The following HECW2 variants were observed in gnomAD, a reference collection of about 807,000 sequenced individuals.
HECW2 encodes HECT, C2 and WW domain containing E3 ubiquitin protein ligase 2, also known as E3 ubiquitin-protein ligase HECW2.
In HECW2, 61 loss-of-function variants were observed where a neutral mutation model predicts 175.2. The observed-to-expected ratio is 0.35, with a 90% CI of 0.28 to 0.43. HECW2 has a LOEUF of 0.43. Ranked by LOEUF, HECW2 falls within the 20% of genes least tolerant of loss-of-function variation. HECW2 has a pLI of 1.00. For missense variants in HECW2, 1,524 were observed against 2,000.5 expected, an observed-to-expected ratio of 0.76 and a Z score of 4.54; for synonymous variants, 671 against 731.0, an observed-to-expected ratio of 0.92 and a Z score of 1.32.
chr2:196,425,646 T>G (rs1695523711), intron 2 of HECW2, among the ~76,000 whole-genome samples: 1 of 152,152 alleles, frequency 6.6e-6, no homozygotes, highest in Non-Finnish European at 1.5e-5. Context: ...AAGTGGTGCC[T>G]GAAGATGTAA....
intron 1 of HECW2, among the ~76,000 whole-genome samples, chr2:196,504,159 G>A (rs1451029794): frequency 6.6e-6 from 1 of 152,092 alleles, no homozygotes; most frequent in Non-Finnish European, 1.5e-5. Context: ...AGCCAGGCGT[G>A]GTGGCAGGCA....
At chr2:196,273,000 T>A (rs975771035) in intron 16 of HECW2, among the ~76,000 whole-genome samples, 2 of 151,606 alleles carry the variant, frequency 1.3e-5, no homozygotes, top group Admixed American at 6.6e-5. Context: ...ATTTTTTTTT[T>A]AATTTAAAGA....
intron 1 of HECW2, among the ~76,000 whole-genome samples, chr2:196,540,292 T>C (rs1003879276): frequency 6.6e-5 from 10 of 152,190 alleles, no homozygotes; most frequent in Non-Finnish European, 1.5e-4. Flanking sequence ...AAAGAGCAAG[T>C]AGTTGTTCTA....
Position 196,443,119 on chromosome 2 carries a change from G to A in HECW2, c.-35-9661C>T, listed in dbSNP as rs1238305955. On this transcript the variant is annotated intron_variant, in intron 1 of 28. Coordinates refer to ENST00000644978, the MANE Select transcript of HECW2 (RefSeq NM_001348768.2). ...GATGTTGCTCAGGACTGACTGGTAGGAGACAGGATCCTATGGACCTACAGA... is the reference window on the plus strand; with the variant it reads ...GATGTTGCTCAGGACTGACTGGTAGAAGACAGGATCCTATGGACCTACAGA... Among the ~76,000 whole-genome samples, 3 of 152,306 alleles carry A rather than the reference G, an allele frequency of 2.0e-5. No individual in the cohort carries two copies. The East Asian group carries it at 5.8e-4, about 29-fold the overall frequency.
In HECW2 at chr2:196,320,350, G is replaced by T; in HGVS notation, c.974C>A (p.Ser325Tyr). 6.2e-7 allele frequency: 1 copy of T among 1,603,874 alleles called. No individual in the cohort carries two copies. ...TATTTATATCTCACCTTCATGAACA[G>T]AAGACGTAACCTCCACTTTAAACTG... ...YLQFKVEVTS[S>Y]VHEDASPEAV... Residue 325 changes from serine to tyrosine, a missense_variant, in exon 8 of 29, where the codon TCT becomes TAT. Physicochemically the swap from Ser to Tyr is moderately radical, Grantham distance 144. This residue lies in a region of HECW2 where 604 missense variants were observed against 588.3 expected (regional missense o/e 1.03). Transcript: ENST00000644978.
intron 2 of HECW2, among the ~76,000 whole-genome samples, chr2:196,346,014 G>C (rs1692941937): frequency 6.6e-6 from 1 of 152,180 alleles, no homozygotes; most frequent in South Asian, 2.1e-4. Flanking sequence ...TTTTAAAAAA[G>C]TAGTTATGTA....
chr2:196,433,543 G>C (rs1377110751), intron 1 of HECW2, 85 bp from the exon 2 acceptor site: 2 of 973,636 alleles, frequency 2.1e-6, no homozygotes, highest in Non-Finnish European at 3.0e-6. Context: ...GCCTTAAAGG[G>C]TGTTTAATAA....
At chr2:196,341,454 T>C (rs1692748649) in intron 3 of HECW2, among the ~76,000 whole-genome samples, 1 of 152,226 alleles carries the variant, frequency 6.6e-6, no homozygotes, top group South Asian at 2.1e-4. Flanking sequence ...TTTTATCACT[T>C]ATTTCTTCAT....
At chr2:196,473,709 G>C (rs1448938072) in intron 1 of HECW2, among the ~76,000 whole-genome samples, 1 of 152,208 alleles carries the variant, frequency 6.6e-6, no homozygotes, top group Non-Finnish European at 1.5e-5. Flanking sequence ...CTGCCAACCA[G>C]TGCAGTAACA....
chr2:196,418,130 A>G (rs1695304133), intron 2 of HECW2, among the ~76,000 whole-genome samples: 1 of 150,256 alleles, frequency 6.7e-6, no homozygotes, highest in Non-Finnish European at 1.5e-5. Context: ...AAGGATGATC[A>G]CTTCTTTTTT....
chr2:196,360,162 A>G (rs1693535308), intron 2 of HECW2, among the ~76,000 whole-genome samples: 2 of 152,208 alleles, frequency 1.3e-5, no homozygotes, highest in Non-Finnish European at 2.9e-5. Flanking sequence ...CTAAAAACAG[A>G]ACTGCCATTC....
rs1687642590 is a variant in HECW2, at chr2:196,220,932, G to A, written c.4156C>T (p.Arg1386Ter). Residue 1386 changes from arginine (R) to a stop codon, truncating the protein, a stop_gained, in exon 25 of 29, where the codon CGA becomes TGA. Coordinates refer to ENST00000644978, the MANE Select transcript of HECW2 (RefSeq NM_001348768.2). LOFTEE classifies it high-confidence loss of function. Reference protein sequence around the residue: ...NEEVFGQITERELKPGGANIP... With the variant: ...NEEVFGQITE ...TTGGCACCCCCTGGCTTTAATTCTCGTTCAGTTATCTGAGATTACAAAATA... is the reference window on the plus strand; with the variant it reads ...TTGGCACCCCCTGGCTTTAATTCTCATTCAGTTATCTGAGATTACAAAATA... 6.2e-7 allele frequency: 1 copy of A among 1,613,698 alleles called. No individual in the cohort carries two copies. The highest frequency in any genetic ancestry group is 8.5e-7 in the Non-Finnish European group (1 of 1,179,790).
At chr2:196,438,119 A>G (rs1695935446) in intron 1 of HECW2, among the ~76,000 whole-genome samples, 1 of 152,180 alleles carries the variant, frequency 6.6e-6, no homozygotes, top group Admixed American at 6.5e-5. Flanking sequence ...AATGAATAAA[A>G]ACTGAGAGAA....
At chr2:196,440,255 T>C (rs1191561391) in intron 1 of HECW2, among the ~76,000 whole-genome samples, 4 of 152,140 alleles carry the variant, frequency 2.6e-5, no homozygotes, top group Non-Finnish European at 5.9e-5. Flanking sequence ...TCCCTAAAAG[T>C]CTTATTTCAG....
At chr2:196,260,569 T>A (rs971811216) in intron 17 of HECW2, 1 of 152,234 alleles carries the variant, frequency 6.6e-6, no homozygotes, top group African/African-American at 2.4e-5. Flanking sequence ...ATATTTAAAT[T>A]CTTCTGTTCA....
chr2:196,555,338 G>A (rs908603294), intron 1 of HECW2, among the ~76,000 whole-genome samples: 15 of 152,040 alleles, frequency 9.9e-5, no homozygotes, highest in African/African-American at 3.6e-4. Flanking sequence ...GTGGTGGAAG[G>A]GACAAGGCAG....
chr2:196,209,561 G>C (rs1363329415), intron 28 of HECW2, among the ~76,000 whole-genome samples: 1 of 152,132 alleles, frequency 6.6e-6, no homozygotes, highest in African/African-American at 2.4e-5. Context: ...TCTTGGACCT[G>C]AGGTTCAACT....
At chr2:196,492,165 AT>A (rs1265068650) in intron 1 of HECW2, among the ~76,000 whole-genome samples, 1 of 152,198 alleles carries the variant, frequency 6.6e-6, no homozygotes, top group Non-Finnish European at 1.5e-5. Flanking sequence ...ACAAAGGTTT[AT>A]TTTTTAGAGT....
chr2:196,417,237 A>G (rs936744475), intron 2 of HECW2, among the ~76,000 whole-genome samples: 14 of 152,248 alleles, frequency 9.2e-5, no homozygotes, highest in Non-Finnish European at 1.8e-4. Flanking sequence ...GATGAAAAAT[A>G]TCATACTTCA....
Sources: allele counts gnomAD v4.1 joint callset (sites outside exome capture counted in the v4.1 genomes callset), GRCh38; gene constraint gnomAD v4.1.1; regional missense constraint gnomAD v4.1.1; transcripts MANE v1.5; gene names NCBI Gene and HGNC (gene_info 2026-07-23, HGNC 2026-07-21).